The following IARS2 variants were observed in gnomAD, a reference collection of about 807,000 sequenced individuals.
IARS2 encodes the protein isoleucyl-tRNA synthetase 2, mitochondrial, also known as isoleucine--tRNA ligase, mitochondrial.
A neutral mutation model predicts 126.3 loss-of-function variants in IARS2; 56 were observed. That is an observed-to-expected ratio of 0.44 (90% CI 0.36 to 0.55). The LOEUF (loss-of-function observed/expected upper bound fraction) is 0.55. Ranked by LOEUF, IARS2 falls within the 20% of genes least tolerant of loss-of-function variation. IARS2 has a pLI of 0.00. For synonymous variants in IARS2, 407 were observed against 441.1 expected (o/e 0.92, Z 0.97); for missense variants, 1,127 against 1,245.9 (o/e 0.90, Z 1.44).
Position 220,110,691 on chromosome 1 carries a change from G to A in IARS2, c.1328-95G>A. On this transcript the variant is annotated intron_variant, in intron 10 of 22. Transcript: ENST00000366922. ...GTGACTACTCTTATTGCCACCTGTT[G>A]CTGCAGATTTAGTATTTTCTGGAAG... is the stretch of plus-strand genomic sequence containing the variant. 7.4e-6 allele frequency: 7 copies of A among 945,598 alleles called. No homozygotes were observed. In the South Asian group the frequency reaches 9.5e-5, roughly 13 times the overall value. The allele number at this position is 945,598 out of a possible 1,614,324, so 58.6% of individuals were successfully genotyped here. A position where few individuals can be genotyped will look rare whatever the true frequency, so the allele number is the denominator to read the frequency against.
chr1:220,146,977 A>G (rs1657608510), intron 22 of IARS2, among the ~76,000 whole-genome samples: 1 of 152,080 alleles, frequency 6.6e-6, no homozygotes. Context: ...CGGCCATGTA[A>G]TGTTCACATA....
chr1:220,126,323 G>A (rs752131013), intron 13 of IARS2, among the ~76,000 whole-genome samples: 1 of 151,984 alleles, frequency 6.6e-6, no homozygotes, highest in Non-Finnish European at 1.5e-5. Flanking sequence ...GTAGTGGAAT[G>A]TGAGGGTCAA....
intron 2 of IARS2, among the ~76,000 whole-genome samples, chr1:220,098,309 C>T (rs1351240937): frequency 6.6e-6 from 1 of 152,176 alleles, no homozygotes; most frequent in Non-Finnish European, 1.5e-5. Context: ...CTCACACATG[C>T]TAATTATAGT....
In IARS2 at chr1:220,107,169, T is replaced by C; in HGVS notation, c.1327+18T>C. 6.5e-7 allele frequency: 1 copy of C among 1,546,296 alleles called. No individual in the cohort carries two copies. Among genetic ancestry groups the C allele is most frequent in the Non-Finnish European group, 8.9e-7 (1 of 1,118,426 alleles). ...TGATGTGGGTGAGCATCATATCTGT[T>C]GATATCATACATGTTTTCTGAAAAG... is the stretch of plus-strand genomic sequence containing the variant. On this transcript the variant is annotated intron_variant, in intron 10 of 22. Transcript: ENST00000366922.
chr1:220,095,443 C>T (rs1181191003), intron 1 of IARS2, among the ~76,000 whole-genome samples: 2 of 152,124 alleles, frequency 1.3e-5, no homozygotes, highest in Non-Finnish European at 2.9e-5. Flanking sequence ...ATATACTTAG[C>T]CTAAATATTC....
intron 14 of IARS2, among the ~76,000 whole-genome samples, chr1:220,134,145 G>A (rs1657320910): frequency 6.6e-6 from 1 of 152,092 alleles, no homozygotes; most frequent in Non-Finnish European, 1.5e-5. Flanking sequence ...TGCATTTTAG[G>A]TAGGAATATC....
intron 2 of IARS2, among the ~76,000 whole-genome samples, chr1:220,097,718 G>A (rs548965100): frequency 2.0e-5 from 3 of 152,242 alleles, no homozygotes; most frequent in Non-Finnish European, 4.4e-5. Context: ...GATTTGGGTC[G>A]CACATCTATT....
rs756410015 is a variant in IARS2, at chr1:220,102,490, C to T, written c.750-5C>T. The T allele has an allele frequency of 5.0e-6, 8 of 1,612,632 alleles. No individual in the cohort carries two copies. The East Asian group carries it at 1.6e-4, about 31-fold the overall frequency. ...GTATTTATGTTTAATATTTTTAACC[C>T]TTAGGACTGCATTGGCTGAAGCAGA... is the stretch of plus-strand genomic sequence containing the variant. On this transcript the variant is annotated splice_polypyrimidine_tract_variant and splice_region_variant and intron_variant, in intron 5 of 22. Coordinates refer to ENST00000366922, the MANE Select transcript of IARS2 (RefSeq NM_018060.4).
chr1:220,142,716 C>A (rs1318634139), intron 20 of IARS2, among the ~76,000 whole-genome samples: 2 of 151,590 alleles, frequency 1.3e-5, no homozygotes, highest in Non-Finnish European at 2.9e-5. Context: ...TCCTTTTTTT[C>A]TTTGAGATCT....
At chr1:220,098,499 C>G (rs937229182) in intron 2 of IARS2, among the ~76,000 whole-genome samples, 5 of 152,112 alleles carry the variant, frequency 3.3e-5, no homozygotes, top group African/African-American at 1.2e-4. Flanking sequence ...GCTTTTTTCT[C>G]CATAGTGTGT....
intron 10 of IARS2, among the ~76,000 whole-genome samples, chr1:220,108,092 A>G (rs1352695820): frequency 1.3e-5 from 2 of 150,560 alleles, no homozygotes; most frequent in East Asian, 3.9e-4. Flanking sequence ...ACACAGTCTC[A>G]CTCTGTTGCC....
chr1:220,139,285 G>A lies in IARS2; in HGVS notation c.2307+146G>A, dbSNP rs191951909. The A allele has an allele frequency of 1.9e-3, 1,003 of 521,672 alleles. 4 individuals carry two copies. The highest frequency in any genetic ancestry group is 2.7e-3 in the Non-Finnish European group (849 of 314,358). 32.3% of individuals were successfully genotyped at this position (521,672 alleles called of 1,614,324 possible). ...GAGAAATATGTCCAGACTTCCCCTCGGACCAGATTTTTCTCTCATGATTAG... is the reference window on the plus strand; with the variant it reads ...GAGAAATATGTCCAGACTTCCCCTCAGACCAGATTTTTCTCTCATGATTAG... On this transcript the variant is annotated intron_variant, in intron 18 of 22. Coordinates refer to ENST00000366922, the MANE Select transcript of IARS2 (RefSeq NM_018060.4).
intron 22 of IARS2, among the ~76,000 whole-genome samples, chr1:220,146,369 T>A (rs1353875736): frequency 1.3e-5 from 2 of 151,736 alleles, no homozygotes; most frequent in African/African-American, 2.4e-5. Context: ...ACAAAAAAAA[T>A]TAGCCAGGCG....
At chr1:220,096,264 GT>G in intron 2 of IARS2, 38 bp downstream of exon 2, 4 of 1,358,926 alleles carry the variant, frequency 2.9e-6, no homozygotes, top group Non-Finnish European at 3.0e-6. Context: ...GAAAGAAAGT[GT>G]TTATGTAAAT....
intron 20 of IARS2, among the ~76,000 whole-genome samples, chr1:220,142,734 T>G (rs1387087214): frequency 6.6e-6 from 1 of 152,220 alleles, no homozygotes; most frequent in Non-Finnish European, 1.5e-5. Flanking sequence ...TCTTATTATA[T>G]ATTTTCTCTT....
chr1:220,094,387 T>G lies in IARS2; in HGVS notation c.171T>G (p.Ser57Arg). Residue 57 changes from serine (S) to arginine (R), a missense_variant, in exon 1 of 23, where the codon AGT becomes AGG. Coordinates refer to ENST00000366922, the MANE Select transcript of IARS2 (RefSeq NM_018060.4). The part of the protein sequence containing the change: ...GASNHQPNSN[S>R]GRYRDTVLLP... ...GTAACCACCAGCCGAACTCGAATAGTGGCAGATACCGGGACACGGTGCTGC... is the reference window on the plus strand; with the variant it reads ...GTAACCACCAGCCGAACTCGAATAGGGGCAGATACCGGGACACGGTGCTGC... 1 of 1,612,836 alleles carries G rather than the reference T, an allele frequency of 6.2e-7. No homozygotes were observed. The highest frequency in any genetic ancestry group is 8.5e-7 in the Non-Finnish European group (1 of 1,179,676).
At chr1:220,141,996 A>AATATAT in intron 20 of IARS2, 48 bp downstream of exon 20, 2 of 1,562,318 alleles carry the variant, frequency 1.3e-6, no homozygotes, top group Non-Finnish European at 1.8e-6. Context: ...TCCCTGATCA[A>AATATAT]GGTGCAACTT....
At chr1:220,098,009 G>A (rs1241331092) in intron 2 of IARS2, among the ~76,000 whole-genome samples, 1 of 152,048 alleles carries the variant, frequency 6.6e-6, no homozygotes, top group Non-Finnish European at 1.5e-5. Context: ...CGAGTAGCTG[G>A]GACCACAGGT....
intron 18 of IARS2, among the ~76,000 whole-genome samples, chr1:220,139,709 C>T (rs552138723): frequency 2.0e-5 from 3 of 152,218 alleles, no homozygotes; most frequent in African/African-American, 4.8e-5. Context: ...TGTGATTGTG[C>T]CACTGCACTC....
Sources: gnomAD v4.1 joint callset for allele counts (sites outside exome capture counted in the v4.1 genomes callset) on GRCh38, gnomAD v4.1.1 for gene constraint, MANE v1.5 for transcripts, NCBI Gene and HGNC (gene_info 2026-07-23, HGNC 2026-07-21) for gene names.